ARFGEF3: variants seen among roughly 807,000 people sequenced by gnomAD.
ARFGEF3 encodes brefeldin A-inhibited guanine nucleotide-exchange protein 3.
ARFGEF3 carries 96 observed loss-of-function variants against 221.7 expected under a neutral mutation model. The ratio of observed to expected loss-of-function variants is 0.43; its 90% confidence interval spans 0.37 to 0.51. ARFGEF3 has a LOEUF of 0.51. Among genes scored for constraint, ARFGEF3 ranks in the 20% least tolerant of loss-of-function variants. The pLI is 0.00. For synonymous variants in ARFGEF3, 1,145 were observed against 1,126.8 expected (o/e 1.02, Z -0.32); for missense variants, 2,410 against 2,789.9 (o/e 0.86, Z 3.07).
chr6:138,224,942 A>G (rs758870381), intron 4 of ARFGEF3, among the ~76,000 whole-genome samples: 1 of 152,196 alleles, frequency 6.6e-6, no homozygotes, highest in South Asian at 2.1e-4. Context: ...AAAGCTTTGT[A>G]AAATATGTGG....
At position 138,169,749 on chromosome 6, in the gene ARFGEF3, A is replaced by ATT. The variant is rs562557490; in HGVS notation, c.86-912_86-911dup. Among the ~76,000 whole-genome samples, 95 of 152,256 alleles carry ATT rather than the reference A, an allele frequency of 6.2e-4. No individual in the cohort carries two copies. The South Asian group carries it at 0.016, about 26-fold the overall frequency. ...ACTCATCTTTCTGTTTTGCTGATTAATTGTCTTTCTGAAATCCACTCTTTT... is the reference window on the plus strand; with the variant it reads ...ACTCATCTTTCTGTTTTGCTGATTAATTTTGTCTTTCTGAAATCCACTCTTTT... On this transcript the variant is annotated intron_variant, in intron 1 of 33. Coordinates refer to ENST00000251691, the MANE Select transcript of ARFGEF3 (RefSeq NM_020340.5).
intron 2 of ARFGEF3, among the ~76,000 whole-genome samples, chr6:138,204,108 G>T (rs1777586277): frequency 6.6e-6 from 1 of 151,834 alleles, no homozygotes; most frequent in Non-Finnish European, 1.5e-5. Flanking sequence ...GGAGGCCAAG[G>T]TGGGCGGATC....
chr6:138,213,813 C>G (rs1462781259), intron 4 of ARFGEF3, among the ~76,000 whole-genome samples: 1 of 152,018 alleles, frequency 6.6e-6, no homozygotes, highest in Non-Finnish European at 1.5e-5. Flanking sequence ...TTGAAGTATA[C>G]TTTTTGATAA....
intron 2 of ARFGEF3, among the ~76,000 whole-genome samples, chr6:138,179,594 CCTCGTCT>C (rs968673920): frequency 2.0e-5 from 3 of 152,146 alleles, no homozygotes; most frequent in Non-Finnish European, 4.4e-5. Context: ...ACATATTCCT[CCTCGTCT>C]TGACGTGGGG....
intron 16 of ARFGEF3, 57 bp from the exon 17 acceptor site, chr6:138,287,017 A>G: frequency 6.4e-7 from 1 of 1,559,482 alleles, no homozygotes; most frequent in South Asian, 1.2e-5. Flanking sequence ...GGGTTCTGCT[A>G]GGTGAATGGT....
Position 138,344,470 on chromosome 6 carries a change from T to C in ARFGEF3, c.*7984T>C, listed in dbSNP as rs1334210869. On this transcript the variant is annotated 3_prime_UTR_variant, in exon 34 of 34. Coordinates refer to ENST00000251691, the MANE Select transcript of ARFGEF3 (RefSeq NM_020340.5). ...TTATAGAATCTGTCTGTTCTTTGTT[T>C]AACAGGTCTCTGTAAGCAAGCTTGC... 1 of 152,196 alleles carries C rather than the reference T, an allele frequency of 6.6e-6. No homozygotes were observed. Among genetic ancestry groups the C allele is most frequent in the Non-Finnish European group, 1.5e-5 (1 of 68,038 alleles). 9.4% of individuals were successfully genotyped at this position (152,196 alleles called of 1,614,324 possible).
rs1203812238 is a variant in ARFGEF3 at position 138,278,369 on chromosome 6, G to A, written c.2129-82G>A. The A allele has an allele frequency of 1.3e-5, 17 of 1,270,956 alleles. No individual in the cohort carries two copies. In the East Asian group the frequency reaches 1.4e-4, roughly 10 times the overall value. The allele number at this position is 1,270,956 out of a possible 1,614,324, so 78.7% of individuals were successfully genotyped here. A position where few individuals can be genotyped will look rare whatever the true frequency, so the allele number is the denominator to read the frequency against. On this transcript the variant is annotated intron_variant, in intron 12 of 33. Coordinates refer to ENST00000251691, the MANE Select transcript of ARFGEF3 (RefSeq NM_020340.5). ...ATCCTATTGATGCAGTATCTCTCACGATGGGTTCGCAGCTCTCTGGAAGCC... is the reference window on the plus strand; with the variant it reads ...ATCCTATTGATGCAGTATCTCTCACAATGGGTTCGCAGCTCTCTGGAAGCC...
chr6:138,275,237 TC>T (rs1779075817), intron 12 of ARFGEF3, among the ~76,000 whole-genome samples: 1 of 152,208 alleles, frequency 6.6e-6, no homozygotes, highest in African/African-American at 2.4e-5. Flanking sequence ...GTTTTTTATT[TC>T]CCCTGCCTTG....
At chr6:138,308,561 G>A (rs952162012) in intron 23 of ARFGEF3, among the ~76,000 whole-genome samples, 178 bp from the exon 24 acceptor site, 10 of 152,018 alleles carry the variant, frequency 6.6e-5, no homozygotes, top group African/African-American at 2.2e-4. Flanking sequence ...CTCCCCTGCC[G>A]GCAGAGCTGA....
intron 10 of ARFGEF3, among the ~76,000 whole-genome samples, chr6:138,258,418 G>A (rs948771475): frequency 3.3e-5 from 5 of 152,174 alleles, no homozygotes; most frequent in African/African-American, 9.7e-5. Context: ...GGGGGGAGAA[G>A]TGACTTGCCC....
At position 138,248,461 on chromosome 6, in the gene ARFGEF3, C is replaced by T. The variant is rs112640298; in HGVS notation, c.665+2870C>T. 1.3e-3 allele frequency among the ~76,000 whole-genome samples: 192 copies of T among 152,284 alleles called. 1 individual carries two copies. Among genetic ancestry groups the T allele is most frequent in the African/African-American group, 4.5e-3 (185 of 41,552 alleles). On this transcript the variant is annotated intron_variant, in intron 8 of 33. Transcript: ENST00000251691. ...AGAACTACAAAAAATATAAAGACTG[C>T]ATTTGTTACTTCACAAGCAAGGGAA...
intron 12 of ARFGEF3, among the ~76,000 whole-genome samples, chr6:138,275,475 G>A (rs1421343204): frequency 1.3e-5 from 2 of 152,122 alleles, no homozygotes; most frequent in African/African-American, 4.8e-5. Flanking sequence ...GGATGGCCGG[G>A]CATGGTGGCT....
chr6:138,293,839 A>G (rs547079633), intron 19 of ARFGEF3, among the ~76,000 whole-genome samples, 154 bp from the exon 20 acceptor site: 1 of 150,818 alleles, frequency 6.6e-6, no homozygotes, highest in African/African-American at 2.4e-5. Context: ...AGACTTGTAC[A>G]CAGTTAGAAT....
intron 2 of ARFGEF3, among the ~76,000 whole-genome samples, chr6:138,194,988 A>ATTT: frequency 8.5e-6 from 1 of 118,136 alleles, no homozygotes; most frequent in African/African-American, 4.0e-5. Flanking sequence ...CCTTTTCCCT[A>ATTT]ATTTTTTTTT....
At position 138,278,534 on chromosome 6, in the gene ARFGEF3, G is replaced by A. The variant is rs376972221; in HGVS notation, c.2212G>A (p.Ala738Thr). ...GAACGCAGACAGCCTCTACACAGCT[G>A]CACACTGCGCCCTGCTCCTCAACCT... Reference protein sequence around the residue: ...LMNADSLYTAAHCALLLNLKL... With the variant: ...LMNADSLYTATHCALLLNLKL... The change falls in exon 13 of 34, where the codon GCA becomes ACA. Residue 738 changes from alanine to threonine, a missense_variant. Ala to Thr is a moderately conservative substitution (Grantham distance 58, BLOSUM62 0). Around this residue, in one of 5 missense-constraint regions of ARFGEF3, gnomAD observed 594 missense variants for 734.3 expected, o/e 0.81. Transcript: ENST00000251691. 4.3e-6 allele frequency: 7 copies of A among 1,613,782 alleles called. No individual in the cohort carries two copies. The African/African-American group carries it at 8.0e-5, about 18-fold the overall frequency.
chr6:138,197,962 A>C (rs775502278), intron 2 of ARFGEF3, among the ~76,000 whole-genome samples: 1 of 152,190 alleles, frequency 6.6e-6, no homozygotes, highest in Non-Finnish European at 1.5e-5. Context: ...CCCACTGCCA[A>C]CATTGAGCTG....
intron 6 of ARFGEF3, among the ~76,000 whole-genome samples, chr6:138,242,746 A>C (rs549005861): frequency 6.6e-6 from 1 of 152,308 alleles, no homozygotes; most frequent in East Asian, 1.9e-4. Flanking sequence ...TGATAAGCTC[A>C]ATTCCAGAGA....
At chr6:138,270,255 A>G (rs1459935378) in intron 12 of ARFGEF3, among the ~76,000 whole-genome samples, 2 of 152,206 alleles carry the variant, frequency 1.3e-5, no homozygotes, top group Non-Finnish European at 2.9e-5. Context: ...ATACAGCACC[A>G]TATTTTGTTG....
intron 31 of ARFGEF3, among the ~76,000 whole-genome samples, chr6:138,325,190 G>C (rs1418729838): frequency 6.6e-6 from 1 of 152,168 alleles, no homozygotes; most frequent in Non-Finnish European, 1.5e-5. Context: ...AAATGAGTTG[G>C]AGGTTATACT....
Sources: gnomAD v4.1 joint callset for allele counts (sites outside exome capture counted in the v4.1 genomes callset) on GRCh38, gnomAD v4.1.1 for gene constraint, gnomAD v4.1.1 regional missense constraint, MANE v1.5 for transcripts, NCBI Gene and HGNC (gene_info 2026-07-23, HGNC 2026-07-21) for gene names.